RTN4: variants seen among roughly 807,000 people sequenced by gnomAD.
RTN4 encodes reticulon 4.
A neutral mutation model predicts 90.4 loss-of-function variants in RTN4; 32 were observed. The observed-to-expected ratio is 0.35, with a 90% CI of 0.27 to 0.48. The LOEUF is 0.48. RTN4 is among the 20% of genes least tolerant of loss of function. RTN4 has a pLI of 0.99. For missense variants in RTN4, 1,706 were observed against 1,430.2 expected (o/e 1.19, Z -3.11); for synonymous variants, 629 against 552.5 (o/e 1.14, Z -1.94).
chr2:55,099,607 G>C (rs1667816238), intron 1 of RTN4, among the ~76,000 whole-genome samples: 1 of 151,996 alleles, frequency 6.6e-6, no homozygotes, highest in African/African-American at 2.4e-5. Flanking sequence ...ACCTGGGTTG[G>C]CTAGAGACTG....
chr2:55,049,840 T>C lies in RTN4; in HGVS notation c.461A>G (p.Gln154Arg). 1.3e-6 allele frequency: 1 copy of C among 788,268 alleles called. No homozygotes were observed. Among genetic ancestry groups the C allele is most frequent in the Non-Finnish European group, 1.5e-6 (1 of 645,394 alleles). The allele number at this position is 788,268 out of a possible 1,614,324, so 48.8% of individuals were successfully genotyped here. A position where few individuals can be genotyped will look rare whatever the true frequency, so the allele number is the denominator to read the frequency against. The part of the protein sequence containing the change: ...PPPPPASVSP[Q>R]AEPVWTPPAP... ...TGGCGGGGTCCACACGGGCTCTGCC[T>C]GGGGGCTCACGCTGGCCGGGGGAGG... The change falls in exon 1 of 9, where the codon CAG becomes CGG. Residue 154 changes from glutamine to arginine, a missense_variant. Physicochemically the swap from Gln to Arg is conservative, Grantham distance 43 (BLOSUM62 1). Transcript: ENST00000337526.
intron 3 of RTN4, among the ~76,000 whole-genome samples, chr2:55,008,106 G>A (rs1253021905): frequency 6.6e-6 from 1 of 150,976 alleles, no homozygotes; most frequent in African/African-American, 2.4e-5. Flanking sequence ...CAGCCTGAAA[G>A]ATCGAGTATC....
At chr2:55,135,754 C>T in the RTN4 span, among the ~76,000 whole-genome samples, 2 of 152,152 alleles carry the variant, frequency 1.3e-5, no homozygotes, top group Non-Finnish European at 2.9e-5. Flanking sequence ...TCCCCCATCC[C>T]TAATTACTGA....
At chr2:55,060,238 A>T (rs1290319597) in intron 2 of RTN4, among the ~76,000 whole-genome samples, 1 of 152,256 alleles carries the variant, frequency 6.6e-6, no homozygotes, top group Non-Finnish European at 1.5e-5. Context: ...CCTGGACTTT[A>T]AAAGGAATGG....
intron 2 of RTN4, among the ~76,000 whole-genome samples, chr2:55,068,360 C>T (rs1411240056): frequency 1.3e-5 from 2 of 152,030 alleles, no homozygotes; most frequent in Non-Finnish European, 2.9e-5. Flanking sequence ...TTGATATCTT[C>T]CCAAGCTTGA....
intron 4 of RTN4, among the ~76,000 whole-genome samples, chr2:54,985,795 T>C (rs1427545132): frequency 6.6e-6 from 1 of 152,224 alleles, no homozygotes; most frequent in Non-Finnish European, 1.5e-5. Context: ...TGGATCATGT[T>C]GTAGGTAGGT....
At chr2:55,017,979 G>A (rs183053240) in intron 3 of RTN4, among the ~76,000 whole-genome samples, 2 of 152,266 alleles carry the variant, frequency 1.3e-5, no homozygotes, top group East Asian at 3.9e-4. Flanking sequence ...AACCTGAGTT[G>A]GAATCGCAGT....
chr2:55,121,224 T>C, the RTN4 span, among the ~76,000 whole-genome samples: 2 of 152,360 alleles, frequency 1.3e-5, no homozygotes, highest in South Asian at 4.1e-4. Flanking sequence ...TCCCGATCCC[T>C]GCTCTCAGGG....
intron 1 of RTN4, among the ~76,000 whole-genome samples, chr2:55,096,805 A>C (rs1055809936): frequency 6.6e-6 from 1 of 151,960 alleles, no homozygotes; most frequent in Non-Finnish European, 1.5e-5. Context: ...ACTGTTTATT[A>C]AGCTTCTGTC....
chr2:55,059,322 T>A (rs986967357), intron 2 of RTN4, among the ~76,000 whole-genome samples: 2 of 142,994 alleles, frequency 1.4e-5, no homozygotes, highest in South Asian at 2.2e-4. Context: ...TTTTTTTTTT[T>A]AATATACTTA....
At chr2:55,130,465 T>C in the RTN4 span, among the ~76,000 whole-genome samples, 1 of 152,172 alleles carries the variant, frequency 6.6e-6, no homozygotes, top group Non-Finnish European at 1.5e-5. Flanking sequence ...AAACATCACA[T>C]TGGGCTGGGT....
intron 2 of RTN4, among the ~76,000 whole-genome samples, chr2:55,059,112 G>C (rs775719752): frequency 6.6e-6 from 1 of 152,044 alleles, no homozygotes; most frequent in African/African-American, 2.4e-5. Context: ...ATGACCTTGA[G>C]CAAGTCAATT....
chr2:55,089,486 T>C (rs908706563), intron 1 of RTN4, among the ~76,000 whole-genome samples: 1 of 152,204 alleles, frequency 6.6e-6, no homozygotes, highest in African/African-American at 2.4e-5. Context: ...CCCGTTTTGG[T>C]CAGCCCAGCC....
At chr2:55,105,974 C>G (rs993045365) in intron 1 of RTN4, among the ~76,000 whole-genome samples, 1 of 151,992 alleles carries the variant, frequency 6.6e-6, no homozygotes, top group Non-Finnish European at 1.5e-5. Flanking sequence ...GAGGAGACCC[C>G]CATCTCTAAA....
rs534054858 is a variant in RTN4 at position 54,996,694 on chromosome 2, C to T, written c.3014-8996G>A. Among the ~76,000 whole-genome samples the T allele has an allele frequency of 4.1e-4, 62 of 152,310 alleles. 1 individual carries two copies. The South Asian group carries it at 0.01, about 25-fold the overall frequency. ...ATCACACATAAAAGTTAACTCATAA[C>T]GGCCGAAAGACTCAAAGTTAAGAGC... is the stretch of plus-strand genomic sequence containing the variant. On this transcript the variant is annotated intron_variant, in intron 3 of 8. Transcript: ENST00000337526.
At chr2:55,096,385 G>C (rs1012135094) in intron 1 of RTN4, among the ~76,000 whole-genome samples, 28 of 151,276 alleles carry the variant, frequency 1.9e-4, no homozygotes, top group African/African-American at 6.3e-4. Flanking sequence ...TGCTGACCTT[G>C]ATCTCTTGGC....
At chr2:55,044,825 C>T (rs1285721240) in intron 1 of RTN4, among the ~76,000 whole-genome samples, 1 of 124,156 alleles carries the variant, frequency 8.1e-6, no homozygotes, top group African/African-American at 3.1e-5. Flanking sequence ...ACAAATTTGA[C>T]ACTCAGTTGC....
At chr2:55,099,326 C>T (rs1416701739) in intron 1 of RTN4, among the ~76,000 whole-genome samples, 1 of 152,096 alleles carries the variant, frequency 6.6e-6, no homozygotes, top group Non-Finnish European at 1.5e-5. Flanking sequence ...TGAGATGTTT[C>T]AATCTATTGC....
rs531489252 is a variant in RTN4, at chr2:54,993,594, T to C, written c.3014-5896A>G. 1.2e-3 allele frequency among the ~76,000 whole-genome samples: 187 copies of C among 152,268 alleles called. 1 individual carries two copies. Among genetic ancestry groups the C allele is most frequent in the African/African-American group, 4.4e-3 (181 of 41,542 alleles). ...CTAGGAACACGGTCTTTTCAATAAA[T>C]GGAAAAGCTCTGAAAATTACATACG... On this transcript the variant is annotated intron_variant, in intron 3 of 8. Transcript: ENST00000337526.
Sources: allele counts gnomAD v4.1 joint callset (sites outside exome capture counted in the v4.1 genomes callset), GRCh38; gene constraint gnomAD v4.1.1; transcripts MANE v1.5; gene names NCBI Gene and HGNC (gene_info 2026-07-23, HGNC 2026-07-21).